The following IGSF5 variants were observed in gnomAD, a reference collection of about 807,000 sequenced individuals.
The protein encoded by IGSF5 is immunoglobulin superfamily 5 like.
In IGSF5, 41 loss-of-function variants were observed where a neutral mutation model predicts 39.4. The observed-to-expected ratio is 1.04, with a 90% confidence interval of 0.81 to 1.35. The LOEUF is 1.35. Among genes scored for constraint, IGSF5 ranks in the 40% most tolerant of loss-of-function variants. The pLI, the probability that IGSF5 is intolerant of heterozygous loss-of-function variation, is 0.00. For synonymous variants in IGSF5, 183 were observed against 175.3 expected, an observed-to-expected ratio of 1.04 and a Z score of -0.34; for missense variants, 487 against 494.6, an observed-to-expected ratio of 0.98 and a Z score of 0.15.
chr21:39,785,224 C>T (rs542729948), intron 5 of IGSF5, among the ~76,000 whole-genome samples: 14 of 149,044 alleles, frequency 9.4e-5, no homozygotes, highest in African/African-American at 3.4e-4. Flanking sequence ...AGAAGAAAAC[C>T]TAGGCAATAC....
the IGSF5 span, among the ~76,000 whole-genome samples, chr21:39,723,195 G>A: frequency 2.6e-5 from 4 of 152,158 alleles, no homozygotes; most frequent in African/African-American, 4.8e-5. Context: ...GGCTCCACTG[G>A]GGAAGGATAG....
the IGSF5 span, among the ~76,000 whole-genome samples, chr21:39,735,020 C>T: frequency 1.3e-4 from 19 of 151,974 alleles, no homozygotes; most frequent in African/African-American, 4.6e-4. Context: ...TGTGCCACCA[C>T]ACCTGGATAA....
At chr21:39,722,893 C>A in the IGSF5 span, among the ~76,000 whole-genome samples, 3 of 152,196 alleles carry the variant, frequency 2.0e-5, no homozygotes, top group African/African-American at 7.2e-5. Flanking sequence ...TAATCAACAT[C>A]ACCAAAAGCA....
At chr21:39,793,653 C>A in intron 8 of IGSF5, 40 bp downstream of exon 8, 1 of 1,533,666 alleles carries the variant, frequency 6.5e-7, no homozygotes, top group Non-Finnish European at 9.0e-7. Context: ...ACTTTTTTGG[C>A]TATTTAAAAA....
At chr21:39,718,053 C>T in the IGSF5 span, among the ~76,000 whole-genome samples, 1 of 151,424 alleles carries the variant, frequency 6.6e-6, no homozygotes, top group African/African-American at 2.4e-5. Flanking sequence ...TTGTAGAGAT[C>T]TTTCACATCC....
At chr21:39,788,247 A>C in intron 6 of IGSF5, 59 bp downstream of exon 6, 1 of 1,256,336 alleles carries the variant, frequency 8.0e-7, no homozygotes, top group Non-Finnish European at 1.2e-6. Flanking sequence ...GAACAACAAC[A>C]ATAATAACAA....
chr21:39,782,942 T>C (rs2080179198), intron 5 of IGSF5, among the ~76,000 whole-genome samples: 1 of 149,938 alleles, frequency 6.7e-6, no homozygotes, highest in African/African-American at 2.4e-5. Context: ...ATGTGCTCAA[T>C]TTTTTTTTTA....
chr21:39,785,289 G>A (rs9680296), intron 5 of IGSF5, among the ~76,000 whole-genome samples: 16,699 of 150,694 alleles, frequency 0.11, 899 homozygotes, highest in Middle Eastern at 0.16. Flanking sequence ...CAAAAACAAT[G>A]GCAGCACCAT....
rs35315186 is a variant in IGSF5 at position 39,757,579 on chromosome 21, C to CTT, written c.101-7938_101-7937dup. 7.7e-5 allele frequency among the ~76,000 whole-genome samples: 10 copies of CTT among 130,710 alleles called. No homozygotes were observed. In the South Asian group the frequency reaches 1.0e-3, roughly 13 times the overall value. 85.8% of individuals were successfully genotyped at this position (130,710 alleles called of 152,430 possible). ...TGAGGTGGACTCAGAAATGTGCATT[C>CTT]TTTTTTTTTTTTTTTTTTTAAGAGT... On this transcript the variant is annotated intron_variant, in intron 2 of 8. Transcript: ENST00000380588.
At chr21:39,730,898 G>A in the IGSF5 span, among the ~76,000 whole-genome samples, 1 of 152,144 alleles carries the variant, frequency 6.6e-6, no homozygotes, top group Non-Finnish European at 1.5e-5. Flanking sequence ...GGGAACTCCT[G>A]GCTTAGAGCC....
intron 3 of IGSF5, among the ~76,000 whole-genome samples, chr21:39,767,658 A>G (rs1320084861): frequency 1.3e-5 from 2 of 152,236 alleles, no homozygotes; most frequent in African/African-American, 2.4e-5. Flanking sequence ...GAGTGACTCA[A>G]AGAGGAATAG....
At chr21:39,790,715 CT>C (rs1304800013) in intron 6 of IGSF5, among the ~76,000 whole-genome samples, 1 of 152,180 alleles carries the variant, frequency 6.6e-6, no homozygotes, top group African/African-American at 2.4e-5. Flanking sequence ...TTGTAGGAGT[CT>C]TTTGGTGAAC....
At chr21:39,778,961 A>T in intron 4 of IGSF5, 129 bp from the exon 5 acceptor site, 1 of 1,069,342 alleles carries the variant, frequency 9.4e-7, no homozygotes, top group African/African-American at 1.6e-5. Flanking sequence ...AACTTGGCCT[A>T]TGACGCCTAG....
intron 8 of IGSF5, among the ~76,000 whole-genome samples, chr21:39,800,284 C>T (rs1046504894): frequency 5.3e-5 from 8 of 152,176 alleles, no homozygotes; most frequent in African/African-American, 1.9e-4. Context: ...TTCTCTGTCT[C>T]TGTCATTTTC....
chr21:39,741,292 C>T (rs183655477), upstream of IGSF5, among the ~76,000 whole-genome samples: 7 of 152,234 alleles, frequency 4.6e-5, no homozygotes, highest in East Asian at 9.6e-4. Context: ...GCTATTTTGC[C>T]GTACCTGGGA....
At chr21:39,793,396 A>G (rs534902354) in intron 7 of IGSF5, 138 bp from the exon 8 acceptor site, 3 of 585,740 alleles carry the variant, frequency 5.1e-6, no homozygotes, top group African/African-American at 3.8e-5. Context: ...AAGGGAATTT[A>G]AAAAAAGTGT....
At position 39,746,751 on chromosome 21, in the gene IGSF5, C is replaced by T. The variant is rs150770765; in HGVS notation, c.100+453C>T. 3.2e-3 allele frequency among the ~76,000 whole-genome samples: 484 copies of T among 152,300 alleles called. 2 individuals are homozygous for T. Among genetic ancestry groups the T allele is most frequent in the African/African-American group, 0.011 (451 of 41,556 alleles). ...ATAAGACACTTTCGGAATGGGGGCT[C>T]AGCACACTGTCAGGGCTCTCAGAGT... On this transcript the variant is annotated intron_variant, in intron 2 of 8. Coordinates refer to ENST00000380588, the MANE Select transcript of IGSF5 (RefSeq NM_001080444.2).
intron 2 of IGSF5, among the ~76,000 whole-genome samples, chr21:39,764,142 C>A (rs930912150): frequency 6.6e-6 from 1 of 152,134 alleles, no homozygotes; most frequent in East Asian, 1.9e-4. Flanking sequence ...CTGGCATCCT[C>A]GCCTCCTGGT....
intron 6 of IGSF5, among the ~76,000 whole-genome samples, chr21:39,789,519 C>T (rs2086948040): frequency 6.6e-6 from 1 of 152,148 alleles, no homozygotes; most frequent in Non-Finnish European, 1.5e-5. Context: ...AATAATCCAA[C>T]CCCACTTGCT....
Sources: allele counts gnomAD v4.1 joint callset (sites outside exome capture counted in the v4.1 genomes callset), GRCh38; gene constraint gnomAD v4.1.1; transcripts MANE v1.5; gene names NCBI Gene and HGNC (gene_info 2026-07-23, HGNC 2026-07-21).